PPP1R9A: variants seen among roughly 807,000 people sequenced by gnomAD.
The protein encoded by PPP1R9A is protein phosphatase 1 regulatory subunit 9A, also known as neurabin-1.
A neutral mutation model predicts 141.9 loss-of-function variants in PPP1R9A; 59 were observed. The observed-to-expected ratio is 0.42, with a 90% CI of 0.34 to 0.52. PPP1R9A has a LOEUF of 0.52. Among genes scored for constraint, PPP1R9A ranks in the 20% least tolerant of loss-of-function variants. The probability of loss-of-function intolerance (pLI) is 0.10; values close to 1 mark genes in which losing one functional copy is unlikely to be tolerated. For missense variants in PPP1R9A, 1,444 were observed against 1,611.9 expected (o/e 0.90, Z 1.78); for synonymous variants, 500 against 569.7 (o/e 0.88, Z 1.74).
rs775458043 is a variant in PPP1R9A at position 94,911,066 on chromosome 7, A to G, written c.953A>G (p.Lys318Arg). The change falls in exon 2 of 20, where the codon AAA becomes AGA. Residue 318 changes from lysine to arginine, a missense_variant. Physicochemically the swap from Lys to Arg is conservative, Grantham distance 26 (BLOSUM62 2). Around this residue, in one of 5 missense-constraint regions of PPP1R9A, gnomAD observed 490 missense variants for 521.1 expected, o/e 0.94. Transcript: ENST00000433360. ...CAACAGACTCCCGACAGCATTGACA[A>G]AGATGGTCCTGAAGAACCTTGTGCT... is the stretch of plus-strand genomic sequence containing the variant. ...SNQQTPDSID[K>R]DGPEEPCAES... 2.5e-6 allele frequency: 4 copies of G among 1,614,200 alleles called. No homozygotes were observed. The highest frequency in any genetic ancestry group is 2.2e-5 in the East Asian group (1 of 44,886).
intron 2 of PPP1R9A, among the ~76,000 whole-genome samples, chr7:94,951,318 G>T (rs1796452145): frequency 6.6e-6 from 1 of 151,908 alleles, no homozygotes; most frequent in South Asian, 2.1e-4. Flanking sequence ...TGATTTTAAT[G>T]TTAAAGATTT....
At chr7:95,133,049 T>G (rs1314704562) in intron 4 of PPP1R9A, among the ~76,000 whole-genome samples, 1 of 152,004 alleles carries the variant, frequency 6.6e-6, no homozygotes. Flanking sequence ...AGAGACTGAG[T>G]AGGGCAGAGA....
chr7:94,936,651 G>T (rs1457860084), intron 2 of PPP1R9A, among the ~76,000 whole-genome samples: 1 of 82,152 alleles, frequency 1.2e-5, no homozygotes, highest in Non-Finnish European at 3.6e-5. Context: ...ACTGTGTAGG[G>T]GTGTGTGTGT....
At chr7:95,187,597 TTGTC>T (rs969774809) in intron 5 of PPP1R9A, among the ~76,000 whole-genome samples, 28 of 152,264 alleles carry the variant, frequency 1.8e-4, no homozygotes, top group African/African-American at 6.5e-4. Flanking sequence ...TGTCCTTAGA[TTGTC>T]TGTTTGTGCT....
At chr7:95,054,661 A>G (rs1252574376) in intron 2 of PPP1R9A, among the ~76,000 whole-genome samples, 1 of 152,004 alleles carries the variant, frequency 6.6e-6, no homozygotes, top group African/African-American at 2.4e-5. Context: ...TGCCACACTA[A>G]CTGCTTGTTT....
At chr7:95,050,274 T>C (rs1323207445) in intron 2 of PPP1R9A, among the ~76,000 whole-genome samples, 1 of 152,256 alleles carries the variant, frequency 6.6e-6, no homozygotes, top group African/African-American at 2.4e-5. Context: ...TTACCATGTG[T>C]ATATCTTCAT....
chr7:94,991,019 C>T (rs1450159723), intron 2 of PPP1R9A, among the ~76,000 whole-genome samples: 2 of 152,086 alleles, frequency 1.3e-5, no homozygotes, highest in East Asian at 3.8e-4. Flanking sequence ...TATAGGGTTG[C>T]AGGTGTCTCT....
intron 2 of PPP1R9A, among the ~76,000 whole-genome samples, chr7:95,053,087 T>C (rs1403310999): frequency 2.6e-5 from 4 of 152,310 alleles, no homozygotes; most frequent in Admixed American, 6.5e-5. Flanking sequence ...TTCATTTCTT[T>C]GTATTAATAG....
chr7:95,221,619 G>A (rs918756877), intron 7 of PPP1R9A, among the ~76,000 whole-genome samples: 2 of 152,060 alleles, frequency 1.3e-5, no homozygotes, highest in Non-Finnish European at 2.9e-5. Context: ...TAATATGTGT[G>A]TAAATGAAGT....
At chr7:95,176,098 C>A (rs1342244535) in intron 5 of PPP1R9A, among the ~76,000 whole-genome samples, 1 of 151,930 alleles carries the variant, frequency 6.6e-6, no homozygotes, top group Non-Finnish European at 1.5e-5. Flanking sequence ...AAGCAGATTT[C>A]TCCTGCAGGA....
chr7:95,008,406 C>A (rs1418010762), intron 2 of PPP1R9A, among the ~76,000 whole-genome samples: 1 of 152,102 alleles, frequency 6.6e-6, no homozygotes, highest in African/African-American at 2.4e-5. Flanking sequence ...CCAAGAGGAA[C>A]AATGGATGAA....
chr7:95,201,814 T>C (rs2152871440), intron 6 of PPP1R9A, among the ~76,000 whole-genome samples: 1 of 152,348 alleles, frequency 6.6e-6, no homozygotes, highest in African/African-American at 2.4e-5. Context: ...TAGAGTTATT[T>C]TTATTTGACA....
At chr7:94,959,934 C>T (rs901695992) in intron 2 of PPP1R9A, among the ~76,000 whole-genome samples, 1 of 151,670 alleles carries the variant, frequency 6.6e-6, no homozygotes, top group African/African-American at 2.4e-5. Context: ...GCAAGATGTT[C>T]ATCAGATTTT....
rs548554433 is a variant in PPP1R9A at position 95,188,668 on chromosome 7, G to A, written c.1755-9681G>A. Among the ~76,000 whole-genome samples, 8 of 149,850 alleles carry A rather than the reference G, an allele frequency of 5.3e-5. No homozygotes were observed. The South Asian group carries it at 6.4e-4, about 12-fold the overall frequency. ...GGCTGGAGTGCAGTGGTGCAATCTCGGCTCACTGTAACCTCTGCCTCCTGG... is the reference window on the plus strand; with the variant it reads ...GGCTGGAGTGCAGTGGTGCAATCTCAGCTCACTGTAACCTCTGCCTCCTGG... On this transcript the variant is annotated intron_variant, in intron 5 of 19. Coordinates refer to ENST00000433360, the MANE Select transcript of PPP1R9A (RefSeq NM_001166160.2).
At chr7:95,031,200 G>A (rs942695801) in intron 2 of PPP1R9A, among the ~76,000 whole-genome samples, 16 of 152,178 alleles carry the variant, frequency 1.1e-4, no homozygotes, top group Non-Finnish European at 2.2e-4. Context: ...TTAATCAGTT[G>A]TAGGAGATAG....
intron 2 of PPP1R9A, among the ~76,000 whole-genome samples, chr7:95,034,414 C>G (rs973466186): frequency 6.6e-6 from 1 of 152,070 alleles, no homozygotes; most frequent in Non-Finnish European, 1.5e-5. Flanking sequence ...TCTCACACAT[C>G]GTGTTTTGTC....
At position 95,161,759 on chromosome 7, in the gene PPP1R9A, G is replaced by A. The variant is rs904942137; in HGVS notation, c.1650-108G>A. On this transcript the variant is annotated intron_variant, in intron 4 of 19. Coordinates refer to ENST00000433360, the MANE Select transcript of PPP1R9A (RefSeq NM_001166160.2). ...TAAAAGATAGATTTTGGATCAAAAA[G>A]AGTATCTTAAAAATCACATATTTTG... 1.2e-4 allele frequency: 85 copies of A among 694,674 alleles called. 1 individual carries two copies. The South Asian group carries it at 2.0e-3, about 17-fold the overall frequency. The allele number at this position is 694,674 out of a possible 1,614,324, so 43.0% of individuals were successfully genotyped here. A position where few individuals can be genotyped will look rare whatever the true frequency, so the allele number is the denominator to read the frequency against.
chr7:95,250,296 T>C (rs1445922819), intron 10 of PPP1R9A, 41 bp downstream of exon 10: 8 of 1,514,730 alleles, frequency 5.3e-6, no homozygotes, highest in East Asian at 2.3e-5. Flanking sequence ...TATGTTTGTC[T>C]AAAGAAGGTT....
At chr7:95,201,867 A>G (rs1426609437) in intron 6 of PPP1R9A, among the ~76,000 whole-genome samples, 1 of 152,174 alleles carries the variant, frequency 6.6e-6, no homozygotes, top group Non-Finnish European at 1.5e-5. Flanking sequence ...GAAAACCTCC[A>G]TTTAGATACA....
Sources: allele counts gnomAD v4.1 joint callset (sites outside exome capture counted in the v4.1 genomes callset), GRCh38; gene constraint gnomAD v4.1.1; regional missense constraint gnomAD v4.1.1; transcripts MANE v1.5; gene names NCBI Gene and HGNC (gene_info 2026-07-23, HGNC 2026-07-21).